CREB5: variants seen among roughly 807,000 people sequenced by gnomAD.
CREB5 encodes the protein cAMP responsive element binding protein 5, also known as cyclic AMP-responsive element-binding protein 5.
Under a neutral mutation model 57.1 loss-of-function variants are expected in CREB5, and 19 were observed. The observed-to-expected ratio is 0.33, with a 90% CI of 0.23 to 0.49. CREB5 has a LOEUF of 0.49. Among genes scored for constraint, CREB5 ranks in the 20% least tolerant of loss-of-function variants. CREB5 has a pLI of 0.99. For missense variants in CREB5, 579 were observed against 671.6 expected, an observed-to-expected ratio of 0.86 and a Z score of 1.52; for synonymous variants, 238 against 238.3, an observed-to-expected ratio of 1.00 and a Z score of 0.01.
intron 7 of CREB5, among the ~76,000 whole-genome samples, chr7:28,782,653 T>C (rs1377532500): frequency 1.3e-5 from 2 of 152,170 alleles, no homozygotes. Flanking sequence ...ATAGACACTC[T>C]TTAGGTATTG....
At chr7:28,544,739 G>A (rs1403434335) in intron 4 of CREB5, among the ~76,000 whole-genome samples, 1 of 152,134 alleles carries the variant, frequency 6.6e-6, no homozygotes, top group Non-Finnish European at 1.5e-5. Context: ...GCACACTGTT[G>A]CCTCTTTGCA....
At chr7:28,503,172 G>A (rs1302429251) in intron 3 of CREB5, among the ~76,000 whole-genome samples, 1 of 152,204 alleles carries the variant, frequency 6.6e-6, no homozygotes, top group Non-Finnish European at 1.5e-5. Flanking sequence ...CAAGTTTGTA[G>A]CAATCTGCTG....
At chr7:28,534,420 G>A (rs1325879768) in intron 4 of CREB5, among the ~76,000 whole-genome samples, 2 of 152,216 alleles carry the variant, frequency 1.3e-5, no homozygotes, top group African/African-American at 2.4e-5. Context: ...GAAGGGCTGG[G>A]TGGACCCCTT....
intron 9 of CREB5, among the ~76,000 whole-genome samples, chr7:28,810,142 G>C (rs1277328318): frequency 5.3e-5 from 8 of 151,880 alleles, no homozygotes; most frequent in Admixed American, 1.3e-4. Context: ...TAGTACCCAG[G>C]CTTCTCCAAT....
At chr7:28,596,516 A>G (rs1017183463) in intron 5 of CREB5, among the ~76,000 whole-genome samples, 7 of 152,340 alleles carry the variant, frequency 4.6e-5, no homozygotes, top group Admixed American at 4.6e-4. Flanking sequence ...TAAATTATTG[A>G]AAGGAGAATG....
At chr7:28,684,911 G>T in intron 5 of CREB5, among the ~76,000 whole-genome samples, 1 of 152,124 alleles carries the variant, frequency 6.6e-6, no homozygotes, top group South Asian at 2.1e-4. Flanking sequence ...TGCTAATAGA[G>T]TAGTGTCTGG....
intron 1 of CREB5, among the ~76,000 whole-genome samples, chr7:28,370,793 C>A (rs1786691734): frequency 1.3e-5 from 2 of 152,132 alleles, no homozygotes; most frequent in East Asian, 3.9e-4. Flanking sequence ...CCCAGAGCTG[C>A]CTACATAAGG....
At chr7:28,583,746 T>C (rs918569611) in intron 5 of CREB5, among the ~76,000 whole-genome samples, 4 of 152,054 alleles carry the variant, frequency 2.6e-5, no homozygotes, top group African/African-American at 9.7e-5. Flanking sequence ...TGGCATGATC[T>C]CAGCTCAATG....
At chr7:28,794,606 A>G (rs905035412) in intron 7 of CREB5, among the ~76,000 whole-genome samples, 2 of 152,206 alleles carry the variant, frequency 1.3e-5, no homozygotes, top group Admixed American at 1.3e-4. Flanking sequence ...TCACCTGAGT[A>G]TGGGGACATT....
At chr7:28,671,001 G>A (rs1800015591) in intron 5 of CREB5, among the ~76,000 whole-genome samples, 1 of 152,128 alleles carries the variant, frequency 6.6e-6, no homozygotes, top group Non-Finnish European at 1.5e-5. Context: ...GCGGAGAGTG[G>A]TGACTTCATG....
intron 1 of CREB5, among the ~76,000 whole-genome samples, chr7:28,372,884 T>C (rs1786735317): frequency 6.6e-6 from 1 of 152,232 alleles, no homozygotes; most frequent in South Asian, 2.1e-4. Context: ...TAGAGCTGCC[T>C]AGCAGAACTT....
intron 3 of CREB5, 89 bp from the exon 4 acceptor site, chr7:28,507,527 A>T (rs150540393): frequency 1.4e-6 from 2 of 1,450,760 alleles, no homozygotes; most frequent in Non-Finnish European, 1.9e-6. Context: ...AATTAAGGCA[A>T]GGGGAGGGGA....
chr7:28,306,701 C>G (rs1239816047), intron 1 of CREB5, among the ~76,000 whole-genome samples: 1 of 151,270 alleles, frequency 6.6e-6, no homozygotes, highest in African/African-American at 2.4e-5. Flanking sequence ...GCTGGGACTA[C>G]AGGCGCCCGC....
intron 5 of CREB5, among the ~76,000 whole-genome samples, chr7:28,632,875 A>G (rs1441997317): frequency 2.0e-5 from 3 of 152,096 alleles, no homozygotes; most frequent in Non-Finnish European, 4.4e-5. Flanking sequence ...CCTCCACTAA[A>G]ATAGAAACAC....
At position 28,377,098 on chromosome 7, in the gene CREB5, C is replaced by A. The variant is rs16874555; in HGVS notation, c.-25+77657C>A. Among the ~76,000 whole-genome samples the A allele has an allele frequency of 4.3e-3, 648 of 152,278 alleles. 3 individuals carry two copies. The highest frequency in any genetic ancestry group is 0.013 in the African/African-American group (558 of 41,554). On this transcript the variant is annotated intron_variant, in intron 1 of 9. Transcript: ENST00000396299. The stretch of plus-strand genomic sequence containing the variant: ...ACATATCCGATGACAGGCATTTTTA[C>A]TCTACAAGGGGTCTTCTTTCATTTT...
intron 4 of CREB5, among the ~76,000 whole-genome samples, chr7:28,523,128 T>C (rs1028440330): frequency 6.6e-6 from 1 of 152,164 alleles, no homozygotes; most frequent in Non-Finnish European, 1.5e-5. Flanking sequence ...AAAGCACGCT[T>C]GGGTGAGCAC....
At chr7:28,302,835 A>G (rs1198870590) in intron 1 of CREB5, among the ~76,000 whole-genome samples, 1 of 152,216 alleles carries the variant, frequency 6.6e-6, no homozygotes, top group Non-Finnish European at 1.5e-5. Flanking sequence ...CACAAGAATT[A>G]CATAAATCAC....
At chr7:28,789,934 C>G (rs746078933) in intron 7 of CREB5, among the ~76,000 whole-genome samples, 1 of 152,182 alleles carries the variant, frequency 6.6e-6, no homozygotes, top group Non-Finnish European at 1.5e-5. Context: ...TACTTTCCCT[C>G]TGTCTGTGTC....
At chr7:28,327,122 C>G (rs1785622156) in intron 1 of CREB5, among the ~76,000 whole-genome samples, 1 of 138,076 alleles carries the variant, frequency 7.2e-6, no homozygotes, top group Admixed American at 8.1e-5. Flanking sequence ...GCACTCCAGC[C>G]TGGGCGACAG....
Sources: gnomAD v4.1 joint callset for allele counts (sites outside exome capture counted in the v4.1 genomes callset) on GRCh38, gnomAD v4.1.1 for gene constraint, MANE v1.5 for transcripts, NCBI Gene and HGNC (gene_info 2026-07-23, HGNC 2026-07-21) for gene names.